Variants in KCNN3 observed in about 807,000 individuals in gnomAD.
KCNN3 encodes the protein potassium calcium-activated channel subfamily N member 3.
In KCNN3, 16 loss-of-function variants were observed where a neutral mutation model predicts 62.9. That is an observed-to-expected ratio of 0.25 (90% confidence interval 0.17 to 0.39). The LOEUF (loss-of-function observed/expected upper bound fraction) is 0.39. KCNN3 is among the 10% of genes least tolerant of loss of function. KCNN3 has a pLI of 1.00. For missense variants in KCNN3, 599 were observed against 949.4 expected, an observed-to-expected ratio of 0.63 and a Z score of 4.85; for synonymous variants, 370 against 389.2, an observed-to-expected ratio of 0.95 and a Z score of 0.58.
At position 154,834,883 on chromosome 1, in the gene KCNN3, C is replaced by A. The variant is rs78205344; in HGVS notation, c.934-12699G>T. ...AGCACAGTCCCGGCTGAGACCTACACCCTGAGCTCTTCACGGAGGAGGTCG... is the reference window on the plus strand; with the variant it reads ...AGCACAGTCCCGGCTGAGACCTACAACCTGAGCTCTTCACGGAGGAGGTCG... On this transcript the variant is annotated intron_variant, in intron 1 of 7. Coordinates refer to ENST00000271915, the MANE Select transcript of KCNN3 (RefSeq NM_002249.6). 8.2e-3 allele frequency among the ~76,000 whole-genome samples: 1,246 copies of A among 152,306 alleles called. 6 individuals carry two copies. Among genetic ancestry groups the A allele is most frequent in the Non-Finnish European group, 0.014 (927 of 68,028 alleles).
intron 2 of KCNN3, among the ~76,000 whole-genome samples, chr1:154,789,046 G>C (rs979725420): frequency 7.2e-5 from 11 of 152,158 alleles, no homozygotes; most frequent in Non-Finnish European, 1.3e-4. Flanking sequence ...AGCTCCGGAG[G>C]CCAGATGTGT....
intron 1 of KCNN3, among the ~76,000 whole-genome samples, chr1:154,838,523 C>CA (rs893820443): frequency 2.0e-5 from 3 of 152,172 alleles, no homozygotes; most frequent in Admixed American, 2.0e-4. Flanking sequence ...CCGAGTTGCT[C>CA]ACACTCCTTC....
chr1:154,841,064 C>T (rs1264735553), intron 1 of KCNN3, among the ~76,000 whole-genome samples: 1 of 152,202 alleles, frequency 6.6e-6, no homozygotes, highest in Non-Finnish European at 1.5e-5. Flanking sequence ...TGGGGCCTGT[C>T]AGAAAGACTG....
chr1:154,798,192 G>A (rs182411493), intron 2 of KCNN3, among the ~76,000 whole-genome samples: 8 of 152,182 alleles, frequency 5.3e-5, no homozygotes, highest in Middle Eastern at 3.4e-3. Context: ...CCACCCTCTT[G>A]GACTCACCAA....
chr1:154,760,610 G>A (rs1033492315), intron 3 of KCNN3, among the ~76,000 whole-genome samples: 6 of 152,182 alleles, frequency 3.9e-5, no homozygotes, highest in Non-Finnish European at 8.8e-5. Flanking sequence ...CTGGCGGAGC[G>A]AGCCTCGGCC....
At chr1:154,868,933 T>C in intron 1 of KCNN3, 99 bp downstream of exon 1, 1 of 1,100,286 alleles carries the variant, frequency 9.1e-7, no homozygotes, top group South Asian at 1.3e-5. Flanking sequence ...TCTCTCTCTC[T>C]CTCAATCTCT....
At chr1:154,815,865 G>C (rs114153615) in intron 2 of KCNN3, among the ~76,000 whole-genome samples, 317 of 152,254 alleles carry the variant, frequency 2.1e-3, no homozygotes, top group African/African-American at 7.5e-3. Flanking sequence ...TCTTTCAGGG[G>C]AAGACACCAC....
chr1:154,813,402 C>CCCGGG lies in KCNN3; in HGVS notation c.1029+8682_1029+8686dup, dbSNP rs1650517139. On this transcript the variant is annotated intron_variant, in intron 2 of 7. Transcript: ENST00000271915. ...ACACATAGCTGGGTGGATTCAGCCT[C>CCCGGG]CCGGGCCGCCTCCTCTTCCTGGGAG... 8.5e-5 allele frequency among the ~76,000 whole-genome samples: 13 copies of CCCGGG among 152,180 alleles called. 1 individual carries two copies. The South Asian group carries it at 2.7e-3, about 32-fold the overall frequency.
intron 1 of KCNN3, among the ~76,000 whole-genome samples, chr1:154,831,801 T>C (rs1415014180): frequency 3.9e-5 from 6 of 152,110 alleles, no homozygotes; most frequent in Admixed American, 6.5e-5. Flanking sequence ...GTGAAACAAA[T>C]GCCTCTGTGA....
intron 2 of KCNN3, among the ~76,000 whole-genome samples, chr1:154,812,088 A>C (rs756525708): frequency 6.6e-6 from 1 of 152,156 alleles, no homozygotes; most frequent in African/African-American, 2.4e-5. Flanking sequence ...CCTATGCAGG[A>C]CCCAGATATG....
intron 1 of KCNN3, among the ~76,000 whole-genome samples, chr1:154,847,948 G>A (rs1451576801): frequency 3.3e-5 from 5 of 152,158 alleles, no homozygotes; most frequent in Non-Finnish European, 7.3e-5. Flanking sequence ...GCTCCGACAC[G>A]AACCCGAGAG....
intron 2 of KCNN3, among the ~76,000 whole-genome samples, chr1:154,780,611 T>C (rs938501519): frequency 2.7e-5 from 4 of 148,396 alleles, no homozygotes; most frequent in East Asian, 3.9e-4. Flanking sequence ...TATATATATA[T>C]ACATATATAA....
intron 2 of KCNN3, among the ~76,000 whole-genome samples, chr1:154,811,357 G>T (rs927059871): frequency 2.6e-5 from 4 of 152,044 alleles, no homozygotes; most frequent in African/African-American, 9.7e-5. Context: ...CAATAATAAG[G>T]ATACAAATAT....
intron 1 of KCNN3, among the ~76,000 whole-genome samples, chr1:154,836,410 C>T (rs1651588659): frequency 6.6e-6 from 1 of 152,234 alleles, no homozygotes; most frequent in Non-Finnish European, 1.5e-5. Flanking sequence ...GATCTCTGAG[C>T]TCCCCTAGTC....
At chr1:154,822,043 C>T (rs1434167119) in intron 2 of KCNN3, 46 bp downstream of exon 2, 1 of 1,462,182 alleles carries the variant, frequency 6.8e-7, no homozygotes, top group Admixed American at 1.7e-5. Flanking sequence ...CAGAGCAAGG[C>T]CAAAGGATCA....
rs552998362 is a variant in KCNN3 at position 154,777,120 on chromosome 1, G to A, written c.1030-4727C>T. ...CCTGGACTAATCTTCCCTCTCTTGG[G>A]CTCAGCGTCCTCCTCTGAGGAATGA... On this transcript the variant is annotated intron_variant, in intron 2 of 7. Coordinates refer to ENST00000271915, the MANE Select transcript of KCNN3 (RefSeq NM_002249.6). Among the ~76,000 whole-genome samples, 3 of 152,280 alleles carry A rather than the reference G, an allele frequency of 2.0e-5. No homozygotes were observed. In the South Asian group the frequency reaches 6.2e-4, roughly 32 times the overall value.
chr1:154,707,918 G>C lies in KCNN3; in HGVS notation c.*58C>G. The C allele has an allele frequency of 1.0e-5, 16 of 1,547,970 alleles. No individual in the cohort carries two copies. The South Asian group carries it at 1.9e-4, about 18-fold the overall frequency. ...TTTCTTGATGGCAAAGCGACCAGGAGAGAGTTGATTTGCATCTTAAGACCT... is the reference window on the plus strand; with the variant it reads ...TTTCTTGATGGCAAAGCGACCAGGACAGAGTTGATTTGCATCTTAAGACCT... On this transcript the variant is annotated 3_prime_UTR_variant, in exon 8 of 8. Transcript: ENST00000271915.
At position 154,842,435 on chromosome 1, in the gene KCNN3, C is replaced by G. The variant is rs1651872872; in HGVS notation, c.934-20251G>C. Among the ~76,000 whole-genome samples the G allele has an allele frequency of 2.6e-5, 4 of 152,140 alleles. No homozygotes were observed. The South Asian group carries it at 8.3e-4, about 31-fold the overall frequency. ...GGGCAGCACCCCACACTTGACCTTC[C>G]TGAGTGTCCCAGCCATGACCTCCTG... On this transcript the variant is annotated intron_variant, in intron 1 of 7. Coordinates refer to ENST00000271915, the MANE Select transcript of KCNN3 (RefSeq NM_002249.6).
At chr1:154,766,229 A>T (rs560135412) in intron 3 of KCNN3, among the ~76,000 whole-genome samples, 2 of 151,742 alleles carry the variant, frequency 1.3e-5, no homozygotes, top group African/African-American at 2.4e-5. Flanking sequence ...CCCATGTGGT[A>T]GGCTACTTTC....
Sources: allele counts gnomAD v4.1 joint callset (sites outside exome capture counted in the v4.1 genomes callset), GRCh38; gene constraint gnomAD v4.1.1; transcripts MANE v1.5; gene names NCBI Gene and HGNC (gene_info 2026-07-23, HGNC 2026-07-21).